MAN1A1: variants seen among roughly 807,000 people sequenced by gnomAD.
The protein encoded by MAN1A1 is mannosyl-oligosaccharide 1,2-alpha-mannosidase IA.
Under a neutral mutation model 70.8 loss-of-function variants are expected in MAN1A1, and 29 were observed. The ratio of observed to expected loss-of-function variants is 0.41; its 90% CI spans 0.31 to 0.56. The LOEUF is 0.56. MAN1A1 is among the 20% of genes least tolerant of loss of function. MAN1A1 has a pLI of 0.29. For synonymous variants in MAN1A1, 349 were observed against 330.1 expected (o/e 1.06, Z -0.62); for missense variants, 747 against 841.3 (o/e 0.89, Z 1.39).
intron 4 of MAN1A1, among the ~76,000 whole-genome samples, chr6:119,296,514 A>C (rs1275895891): frequency 6.6e-6 from 1 of 152,170 alleles, no homozygotes; most frequent in Non-Finnish European, 1.5e-5. Flanking sequence ...GAGCAACACT[A>C]AGGCAAAAGT....
intron 6 of MAN1A1, among the ~76,000 whole-genome samples, chr6:119,230,784 G>C (rs900411466): frequency 1.3e-5 from 2 of 152,114 alleles, no homozygotes; most frequent in Admixed American, 6.5e-5. Flanking sequence ...AAAACCCCAA[G>C]TGAACATATT....
In MAN1A1 at chr6:119,189,897, T is replaced by A. The variant is rs1323624410; in HGVS notation, c.1327-14A>T. On this transcript the variant is annotated splice_polypyrimidine_tract_variant and intron_variant, in intron 9 of 12. Transcript: ENST00000368468. ...AGTCTCGATAGCCTGTGAAAAACAC[T>A]TATTTTTTAACATTTTGTAATCTCT... 3.8e-6 allele frequency: 6 copies of A among 1,590,800 alleles called. No individual in the cohort carries two copies. The African/African-American group carries it at 8.1e-5, about 21-fold the overall frequency.
intron 7 of MAN1A1, among the ~76,000 whole-genome samples, chr6:119,203,018 G>T (rs1228039144): frequency 6.6e-6 from 1 of 152,108 alleles, no homozygotes; most frequent in Non-Finnish European, 1.5e-5. Context: ...CTCTCCCTCA[G>T]AGCACAAAGA....
At chr6:119,305,721 C>T (rs7746867) in intron 3 of MAN1A1, among the ~76,000 whole-genome samples, 57,471 of 151,940 alleles carry the variant, frequency 0.38, 11,350 homozygotes, top group Non-Finnish European at 0.41. Flanking sequence ...AACCACCTGG[C>T]GCATTGATAA....
intron 11 of MAN1A1, among the ~76,000 whole-genome samples, chr6:119,184,516 C>T (rs968566896): frequency 6.6e-6 from 1 of 152,000 alleles, no homozygotes; most frequent in African/African-American, 2.4e-5. Context: ...AAGGATAGAA[C>T]ACAGAGAATC....
intron 5 of MAN1A1, among the ~76,000 whole-genome samples, chr6:119,274,653 G>A (rs1452538125): frequency 6.6e-6 from 1 of 151,796 alleles, no homozygotes; most frequent in Non-Finnish European, 1.5e-5. Context: ...AGAAAAGGCT[G>A]AATGTATACC....
At chr6:119,326,506 C>T (rs1773151090) in intron 2 of MAN1A1, among the ~76,000 whole-genome samples, 1 of 152,170 alleles carries the variant, frequency 6.6e-6, no homozygotes, top group Non-Finnish European at 1.5e-5. Context: ...CCTGCCTTGG[C>T]CTACTCTTGA....
At chr6:119,186,907 G>A (rs1318767003) in intron 11 of MAN1A1, among the ~76,000 whole-genome samples, 1 of 152,180 alleles carries the variant, frequency 6.6e-6, no homozygotes, top group East Asian at 1.9e-4. Flanking sequence ...GTTACTGGGG[G>A]CATCCCCAAA....
chr6:119,206,420 AT>A (rs1485919148), intron 6 of MAN1A1, among the ~76,000 whole-genome samples: 1 of 152,152 alleles, frequency 6.6e-6, no homozygotes, highest in East Asian at 1.9e-4. Flanking sequence ...AACCATGAGG[AT>A]TACTGGCGCT....
intron 2 of MAN1A1, among the ~76,000 whole-genome samples, chr6:119,337,815 A>G (rs1773499015): frequency 6.6e-6 from 1 of 152,230 alleles, no homozygotes; most frequent in African/African-American, 2.4e-5. Flanking sequence ...TAACCACAGG[A>G]GGATTAAATA....
chr6:119,224,324 G>A (rs564970223), intron 6 of MAN1A1, among the ~76,000 whole-genome samples: 5 of 152,310 alleles, frequency 3.3e-5, no homozygotes, highest in East Asian at 1.9e-4. Flanking sequence ...TACAGGAAGC[G>A]AAATCCTTAC....
At chr6:119,276,317 C>T (rs1269947242) in intron 5 of MAN1A1, among the ~76,000 whole-genome samples, 1 of 152,174 alleles carries the variant, frequency 6.6e-6, no homozygotes, top group Non-Finnish European at 1.5e-5. Context: ...TAACATTTTA[C>T]CCCCTTATCA....
chr6:119,237,871 T>C (rs184069698), intron 6 of MAN1A1, among the ~76,000 whole-genome samples: 67 of 152,302 alleles, frequency 4.4e-4, no homozygotes, highest in African/African-American at 1.5e-3. Context: ...AAAAAAGATA[T>C]GTGATCACAC....
At chr6:119,207,759 G>A (rs549211080) in intron 6 of MAN1A1, among the ~76,000 whole-genome samples, 3 of 152,096 alleles carry the variant, frequency 2.0e-5, no homozygotes, top group African/African-American at 7.2e-5. Context: ...ACACTCAAAT[G>A]GGGGGGTTGG....
chr6:119,188,677 CTA>C (rs1773357805), intron 10 of MAN1A1, 100 bp from the exon 11 acceptor site: 8 of 1,053,068 alleles, frequency 7.6e-6, no homozygotes, highest in Admixed American at 4.6e-5. Flanking sequence ...CCCTCAGTAT[CTA>C]TGAGGGACTG....
At chr6:119,264,486 T>C (rs1188381065) in intron 5 of MAN1A1, among the ~76,000 whole-genome samples, 1 of 152,220 alleles carries the variant, frequency 6.6e-6, no homozygotes, top group Non-Finnish European at 1.5e-5. Context: ...AGTTTAACAA[T>C]CAACTCTCCA....
chr6:119,221,814 A>G (rs1774370399), intron 6 of MAN1A1, among the ~76,000 whole-genome samples: 3 of 152,188 alleles, frequency 2.0e-5, no homozygotes, highest in Admixed American at 6.5e-5. Context: ...TGAAAAAGTA[A>G]CAGCAAGAGT....
chr6:119,296,009 T>C (rs763471003), intron 4 of MAN1A1, among the ~76,000 whole-genome samples: 10 of 152,234 alleles, frequency 6.6e-5, no homozygotes, highest in Non-Finnish European at 1.2e-4. Flanking sequence ...CAATAAGCCT[T>C]GCCTATGTTT....
At chr6:119,253,674 A>G (rs1775386243) in intron 5 of MAN1A1, among the ~76,000 whole-genome samples, 1 of 152,208 alleles carries the variant, frequency 6.6e-6, no homozygotes, top group Non-Finnish European at 1.5e-5. Context: ...AATGGTTCCT[A>G]TTTGATTAAT....
Sources: allele counts gnomAD v4.1 joint callset (sites outside exome capture counted in the v4.1 genomes callset), GRCh38; gene constraint gnomAD v4.1.1; transcripts MANE v1.5; gene names NCBI Gene and HGNC (gene_info 2026-07-23, HGNC 2026-07-21).